Variants in CSMD2 observed in about 807,000 individuals in gnomAD.
CSMD2 encodes the protein CUB and sushi domain-containing protein 2.
CSMD2 carries 130 observed loss-of-function variants against 398.5 expected under a neutral mutation model. The observed-to-expected ratio is 0.33, with a 90% CI of 0.28 to 0.38. CSMD2 has a LOEUF of 0.38. Ranked by LOEUF, CSMD2 falls within the 10% of genes least tolerant of loss-of-function variation. The probability of loss-of-function intolerance (pLI) is 1.00; values close to 1 mark genes in which losing one functional copy is unlikely to be tolerated. For missense variants in CSMD2, 3,829 were observed against 4,764.9 expected (o/e 0.80, Z 5.78); for synonymous variants, 1,828 against 1,908.5 (o/e 0.96, Z 1.10).
intron 5 of CSMD2, among the ~76,000 whole-genome samples, chr1:33,908,085 C>CAAAAAAAAAAAAAAAAAAA (rs35932181): frequency 2.6e-5 from 2 of 77,130 alleles, no homozygotes; most frequent in Non-Finnish European, 4.7e-5. Context: ...GACTCCATCT[C>CAAAAAAAAAAAAAAAAAAA]AAAAAAAAAA....
chr1:33,723,489 C>A (rs1488323782), intron 19 of CSMD2, among the ~76,000 whole-genome samples: 1 of 152,138 alleles, frequency 6.6e-6, no homozygotes, highest in South Asian at 2.1e-4. Context: ...TGGGTGGCAC[C>A]GAATACATAT....
intron 2 of CSMD2, among the ~76,000 whole-genome samples, chr1:34,082,971 C>T (rs1427879168): frequency 6.6e-6 from 1 of 151,838 alleles, no homozygotes; most frequent in Non-Finnish European, 1.5e-5. Context: ...AACCAGAGAC[C>T]TTTGTTCACA....
intron 19 of CSMD2, among the ~76,000 whole-genome samples, chr1:33,719,537 C>T (rs1257426683): frequency 1.3e-5 from 2 of 152,162 alleles, no homozygotes; most frequent in East Asian, 3.8e-4. Flanking sequence ...GAGTTTGAAT[C>T]CAGATTTGAT....
Position 33,557,801 on chromosome 1 carries a change from G to A in CSMD2, c.8676C>T (p.Leu2892=). 2 of 1,536,116 alleles carry A rather than the reference G, an allele frequency of 1.3e-6. No homozygotes were observed. The highest frequency in any genetic ancestry group is 1.7e-6 in the Non-Finnish European group (2 of 1,146,908). ...VSYRCNHGFY[L]LGTPVLSCQG... ...GGCAGCTGAGCACTGGGGTGCCCAGGAGGTAGAAGCCGTGGTTGCACCGGT... is the reference window on the plus strand; with the variant it reads ...GGCAGCTGAGCACTGGGGTGCCCAGAAGGTAGAAGCCGTGGTTGCACCGGT... The change falls in exon 55 of 71, where the codon CTC becomes CTT. Residue 2892 remains leucine, a synonymous_variant. Coordinates refer to ENST00000373381, the MANE Select transcript of CSMD2 (RefSeq NM_001281956.2).
intron 12 of CSMD2, among the ~76,000 whole-genome samples, chr1:33,779,732 T>C (rs1652464507): frequency 6.6e-6 from 1 of 152,244 alleles, no homozygotes; most frequent in Admixed American, 6.5e-5. Flanking sequence ...CCCAGCCCCC[T>C]TGGACATTTC....
intron 5 of CSMD2, chr1:33,864,608 G>A: frequency 6.2e-7 from 1 of 1,614,012 alleles, no homozygotes; most frequent in Non-Finnish European, 8.5e-7. Context: ...ACCTGGAGAA[G>A]CACCCTTATG....
intron 5 of CSMD2, chr1:33,863,072 G>A (rs1237493048): frequency 2.6e-5 from 4 of 152,186 alleles, no homozygotes; most frequent in Admixed American, 6.5e-5. Context: ...TCTCACCTGT[G>A]AGTGGCTGTT....
chr1:34,081,785 C>T (rs1460583083), intron 2 of CSMD2, among the ~76,000 whole-genome samples: 1 of 152,214 alleles, frequency 6.6e-6, no homozygotes, highest in East Asian at 1.9e-4. Context: ...CTTGGCCTCC[C>T]AAAGTGCTGA....
At chr1:33,982,222 C>T (rs553081429) in intron 3 of CSMD2, among the ~76,000 whole-genome samples, 4 of 152,176 alleles carry the variant, frequency 2.6e-5, no homozygotes, top group South Asian at 2.1e-4. Context: ...GATGAACAGA[C>T]GTTCCATCCT....
chr1:33,840,623 T>G (rs571805437), intron 6 of CSMD2, among the ~76,000 whole-genome samples: 1 of 152,346 alleles, frequency 6.6e-6, no homozygotes, highest in Non-Finnish European at 1.5e-5. Context: ...TAAGAATATG[T>G]GCTTTAAATT....
intron 5 of CSMD2, among the ~76,000 whole-genome samples, chr1:33,914,314 G>A (rs1643612895): frequency 6.6e-6 from 1 of 152,092 alleles, no homozygotes; most frequent in Admixed American, 6.5e-5. Context: ...AGGTGGTCTG[G>A]GGGTGAGGGA....
chr1:33,538,975 T>A (rs2148586779), intron 60 of CSMD2, among the ~76,000 whole-genome samples: 1 of 147,874 alleles, frequency 6.8e-6, no homozygotes, highest in East Asian at 2.0e-4. Context: ...AAGAAAGGCA[T>A]TTTTTTTTTT....
intron 68 of CSMD2, among the ~76,000 whole-genome samples, chr1:33,521,181 G>T (rs899673995): frequency 3.9e-5 from 6 of 152,194 alleles, no homozygotes; most frequent in African/African-American, 1.4e-4. Context: ...GTGGCTGGGG[G>T]CTGTATCTAA....
rs1322198976 is a variant in CSMD2, at chr1:34,136,714, C to T, written c.187+28197G>A. On this transcript the variant is annotated intron_variant, in intron 1 of 70. Coordinates refer to ENST00000373381, the MANE Select transcript of CSMD2 (RefSeq NM_001281956.2). ...TCCAGCCAATCCCCAAATGAGTTTGCTTAAACAATAAATTATGAAAACTCC... is the reference window on the plus strand; with the variant it reads ...TCCAGCCAATCCCCAAATGAGTTTGTTTAAACAATAAATTATGAAAACTCC... 3.3e-5 allele frequency among the ~76,000 whole-genome samples: 5 copies of T among 152,156 alleles called. No homozygotes were observed. In the East Asian group the frequency reaches 9.6e-4, roughly 29 times the overall value.
At chr1:34,110,438 A>T (rs1200064216) in intron 1 of CSMD2, among the ~76,000 whole-genome samples, 1 of 152,206 alleles carries the variant, frequency 6.6e-6, no homozygotes, top group African/African-American at 2.4e-5. Context: ...ACATGGAATC[A>T]ACCTAAATGT....
intron 60 of CSMD2, 151 bp downstream of exon 60, chr1:33,540,374 C>T: frequency 1.4e-6 from 1 of 709,314 alleles, no homozygotes; most frequent in African/African-American, 1.8e-5. Flanking sequence ...TTTCCACTTC[C>T]TTCCCTCTTT....
chr1:33,907,474 G>A (rs1158592582), intron 5 of CSMD2, among the ~76,000 whole-genome samples: 2 of 152,104 alleles, frequency 1.3e-5, no homozygotes, highest in Non-Finnish European at 2.9e-5. Context: ...AGGCTGGAGG[G>A]TTGAAGAGTG....
chr1:33,828,224 C>T (rs1570090), intron 6 of CSMD2, among the ~76,000 whole-genome samples: 119,634 of 152,214 alleles, frequency 0.79, 47,859 homozygotes, highest in East Asian at 0.94. Flanking sequence ...CATGGACACA[C>T]GATCAAACAG....
intron 5 of CSMD2, among the ~76,000 whole-genome samples, chr1:33,874,647 T>G (rs1281407709): frequency 6.6e-6 from 1 of 152,164 alleles, no homozygotes; most frequent in Non-Finnish European, 1.5e-5. Context: ...TATCCCTGGG[T>G]GTCTCAAAGG....
Sources: allele counts gnomAD v4.1 joint callset (sites outside exome capture counted in the v4.1 genomes callset), GRCh38; gene constraint gnomAD v4.1.1; transcripts MANE v1.5; gene names NCBI Gene and HGNC (gene_info 2026-07-23, HGNC 2026-07-21).